SLC2A5: variants seen among roughly 807,000 people sequenced by gnomAD.
SLC2A5 encodes solute carrier family 2 member 5, also known as solute carrier family 2, facilitated glucose transporter member 5.
In SLC2A5, 56 loss-of-function variants were observed where a neutral mutation model predicts 50.3. The ratio of observed to expected loss-of-function variants is 1.11; its 90% CI spans 0.90 to 1.39. The LOEUF (loss-of-function observed/expected upper bound fraction) is 1.39, where lower values mean the gene tolerates loss of function less well. Ranked by LOEUF, SLC2A5 falls within the 40% of genes most tolerant of loss-of-function variation. The probability of loss-of-function intolerance (pLI) is 0.00; values close to 1 mark genes in which losing one functional copy is unlikely to be tolerated. For synonymous variants in SLC2A5, 269 were observed against 281.9 expected, an observed-to-expected ratio of 0.95 and a Z score of 0.46; for missense variants, 566 against 650.1, an observed-to-expected ratio of 0.87 and a Z score of 1.41.
chr1:9,075,146 G>A (rs1642266543), intron 2 of SLC2A5, among the ~76,000 whole-genome samples: 1 of 152,130 alleles, frequency 6.6e-6, no homozygotes, highest in South Asian at 2.1e-4. Context: ...CTATAAATCT[G>A]CCTCTCTTCA....
intron 5 of SLC2A5, chr1:9,041,198 T>C (rs1641293247): frequency 5.1e-6 from 2 of 393,534 alleles, no homozygotes; most frequent in Admixed American, 8.8e-5. Context: ...TGACTGATGA[T>C]AGTTTAAAGG....
intron 2 of SLC2A5, among the ~76,000 whole-genome samples, chr1:9,083,414 G>C (rs889193665): frequency 6.6e-6 from 1 of 152,250 alleles, no homozygotes; most frequent in Non-Finnish European, 1.5e-5. Flanking sequence ...AATAGCTGCA[G>C]AAGTAGGGGC....
chr1:9,048,952 C>T (rs1156281268), intron 3 of SLC2A5: 1 of 350,630 alleles, frequency 2.9e-6, no homozygotes, highest in Non-Finnish European at 5.6e-6. Flanking sequence ...CCACTGCGCC[C>T]AGCCATTTTT....
chr1:9,069,679 G>C (rs2124457242), upstream of SLC2A5: 1 of 827,308 alleles, frequency 1.2e-6, no homozygotes, highest in South Asian at 1.6e-5. Context: ...GATTAAGTCA[G>C]AATAACCCTT....
intron 3 of SLC2A5, among the ~76,000 whole-genome samples, 156 bp downstream of exon 3, chr1:9,057,292 T>TAAAAAAAAAAAAAAAAAAAAAAAAA (rs760221358): frequency 9.7e-6 from 1 of 103,440 alleles, no homozygotes; most frequent in Non-Finnish European, 2.1e-5. Context: ...TCTCAAAAAT[T>TAAAAAAAAAAAAAAAAAAAAAAAAA]AAAAAAAAAA....
Position 9,059,132 on chromosome 1 carries a change from C to CTTTTTTT in SLC2A5, c.34-883_34-882insAAAAAAA, listed in dbSNP as rs1416919220. On this transcript the variant is annotated intron_variant, in intron 1 of 11. Coordinates refer to ENST00000377424, the MANE Select transcript of SLC2A5 (RefSeq NM_003039.3). Reference sequence around the variant, plus strand: ...TCTACTCTGATGGACAGCCGCCTTTCTTTCTTTTTTTTTTTTTTTTTTTTT... The same window carrying CTTTTTTT: ...TCTACTCTGATGGACAGCCGCCTTTCTTTTTTTTTTCTTTTTTTTTTTTTTTTTTTTT... Among the ~76,000 whole-genome samples, 30 of 80,358 alleles carry CTTTTTTT rather than the reference C, an allele frequency of 3.7e-4. 2 individuals carry two copies. The highest frequency in any genetic ancestry group is 3.9e-4 in the Non-Finnish European group (18 of 45,914). The allele number at this position is 80,358 out of a possible 152,430, so 52.7% of individuals were successfully genotyped here.
upstream of SLC2A5, among the ~76,000 whole-genome samples, chr1:9,089,819 T>G (rs986107830): frequency 6.6e-6 from 1 of 152,084 alleles, no homozygotes; most frequent in African/African-American, 2.4e-5. Context: ...CCCCTGACCA[T>G]CACAGGAGGA....
chr1:9,089,727 C>G (rs1019046215), upstream of SLC2A5, among the ~76,000 whole-genome samples: 1 of 152,222 alleles, frequency 6.6e-6, no homozygotes, highest in Non-Finnish European at 1.5e-5. Flanking sequence ...CTGTGCCCAA[C>G]TTGCAGTCTT....
chr1:9,049,296 C>T (rs1641512318), intron 3 of SLC2A5: 1 of 417,410 alleles, frequency 2.4e-6, no homozygotes, highest in African/African-American at 2.1e-5. Flanking sequence ...TCAGACTGGA[C>T]TATAAAATGT....
rs769421798 is a variant in SLC2A5 at position 9,039,813 on chromosome 1, G to T, written c.872C>A (p.Ser291Ter). The change falls in exon 7 of 12, where the codon TCG becomes TAG. Residue 291 changes from serine (S) to a stop codon, truncating the protein, a stop_gained. Transcript: ENST00000377424. LOFTEE classifies it high-confidence loss of function. ...CCCGGCCCATACAGCGTTGACGCCC[G>T]ACAGCTGCTGGCCGCCCATGAGGAC... is the stretch of plus-strand genomic sequence containing the variant. ...IIVLMGGQQL[S>*]GVNAIYYYAD... is the part of the protein sequence containing the mutation. 2 of 1,585,644 alleles carry T rather than the reference G, an allele frequency of 1.3e-6. No homozygotes were observed. Among genetic ancestry groups the T allele is most frequent in the Admixed American group, 1.7e-5 (1 of 57,242 alleles).
chr1:9,069,796 G>A, upstream of SLC2A5: 1 of 531,416 alleles, frequency 1.9e-6, no homozygotes, highest in South Asian at 2.2e-5. Context: ...TTGTCCTGAT[G>A]GAACAGTCTA....
intron 3 of SLC2A5, among the ~76,000 whole-genome samples, chr1:9,050,853 T>C (rs1488703385): frequency 6.6e-6 from 1 of 152,208 alleles, no homozygotes; most frequent in Non-Finnish European, 1.5e-5. Context: ...AGGTGTTATA[T>C]GCATTACATA....
Position 9,039,552 on chromosome 1 carries a change from G to A in SLC2A5, c.996C>T (p.Ala332=), listed in dbSNP as rs1220732968. 4 of 1,564,070 alleles carry A rather than the reference G, an allele frequency of 2.6e-6. No individual in the cohort carries two copies. Among genetic ancestry groups the A allele is most frequent in the South Asian group, 1.2e-5 (1 of 85,034 alleles). ...GAVNVVMTFC[A]VFVVELLGRR... is the part of the protein sequence containing the mutation. ...TGTGGGCAGCTCCCAGGACACTCAC[G>A]GCGCAGAAGGTCATGACCACGTTCA... is the stretch of plus-strand genomic sequence containing the variant. Residue 332 remains alanine, a splice_region_variant and synonymous_variant, in exon 8 of 12, where the codon GCC becomes GCT. Transcript: ENST00000377424.
At chr1:9,041,650 C>G in intron 5 of SLC2A5, 135 bp downstream of exon 5, 1 of 1,536,912 alleles carries the variant, frequency 6.5e-7, no homozygotes, top group South Asian at 1.3e-5. Context: ...GATGGGCCCC[C>G]CAAGGACATC....
In SLC2A5 at chr1:9,039,758, C is replaced by G. The variant is rs1261542161; in HGVS notation, c.885+42G>C. ...GCCCCAGGACCTGCGCCCCGCGCCC[C>G]CCGAGCCCTCCCCAGCTCCCGAGCC... On this transcript the variant is annotated intron_variant, in intron 7 of 11. Transcript: ENST00000377424. The G allele has an allele frequency of 1.4e-5, 20 of 1,453,806 alleles. No homozygotes were observed. The East Asian group carries it at 5.0e-4, about 37-fold the overall frequency. The allele number at this position is 1,453,806 out of a possible 1,614,324, so 90.1% of individuals were successfully genotyped here. A position where few individuals can be genotyped will look rare whatever the true frequency, so the allele number is the denominator to read the frequency against.
intron 9 of SLC2A5, 117 bp from the exon 10 acceptor site, chr1:9,038,623 C>T: frequency 1.6e-6 from 2 of 1,237,660 alleles, no homozygotes; most frequent in Non-Finnish European, 1.1e-6. Context: ...CCCAGCAGTG[C>T]CACCTCGATG....
upstream of SLC2A5, among the ~76,000 whole-genome samples, chr1:9,070,482 G>C (rs940666084): frequency 6.6e-6 from 1 of 152,078 alleles, no homozygotes; most frequent in African/African-American, 2.4e-5. Flanking sequence ...CCCCTTTCCA[G>C]GCAGGGCAGG....
At chr1:9,093,948 C>T in the SLC2A5 span, among the ~76,000 whole-genome samples, 2 of 152,144 alleles carry the variant, frequency 1.3e-5, no homozygotes, top group African/African-American at 4.8e-5. Context: ...GCAGATCAGG[C>T]CAACAAATTA....
upstream of SLC2A5, among the ~76,000 whole-genome samples, chr1:9,092,486 A>G (rs1483549967): frequency 1.3e-5 from 2 of 152,174 alleles, no homozygotes; most frequent in East Asian, 1.9e-4. Context: ...CTATTTGCCA[A>G]AAAGCTTCAC....
Sources: gnomAD v4.1 joint callset for allele counts (sites outside exome capture counted in the v4.1 genomes callset) on GRCh38, gnomAD v4.1.1 for gene constraint, MANE v1.5 for transcripts, NCBI Gene and HGNC (gene_info 2026-07-23, HGNC 2026-07-21) for gene names.